Variants in CNTN3 observed in about 807,000 individuals in gnomAD.
The protein encoded by CNTN3 is contactin-3.
CNTN3 carries 60 observed loss-of-function variants against 119.1 expected under a neutral mutation model. The ratio of observed to expected loss-of-function variants is 0.50; its 90% CI spans 0.41 to 0.62. The LOEUF (loss-of-function observed/expected upper bound fraction) is 0.62. Among genes scored for constraint, CNTN3 ranks in the 20% least tolerant of loss-of-function variants. The probability of loss-of-function intolerance (pLI) is 0.00; values close to 1 mark genes in which losing one functional copy is unlikely to be tolerated. For synonymous variants in CNTN3, 450 were observed against 438.7 expected (o/e 1.03, Z -0.32); for missense variants, 1,101 against 1,242.4 (o/e 0.89, Z 1.71).
chr3:74,392,670 A>G (rs1704943603), intron 5 of CNTN3, among the ~76,000 whole-genome samples: 2 of 152,214 alleles, frequency 1.3e-5, no homozygotes, highest in African/African-American at 4.8e-5. Flanking sequence ...GTAGTCCATT[A>G]ATGAACACAC....
intron 5 of CNTN3, among the ~76,000 whole-genome samples, chr3:74,414,003 G>C (rs904526057): frequency 6.6e-6 from 1 of 152,074 alleles, no homozygotes; most frequent in Non-Finnish European, 1.5e-5. Context: ...TGCCTGTGAG[G>C]ATCAAAAGCT....
intron 5 of CNTN3, among the ~76,000 whole-genome samples, chr3:74,418,117 G>A (rs1354574197): frequency 6.6e-6 from 1 of 152,060 alleles, no homozygotes; most frequent in Non-Finnish European, 1.5e-5. Context: ...GGAAACTACT[G>A]GGTTATTGGA....
At chr3:74,349,071 G>A (rs1703757804) in intron 11 of CNTN3, among the ~76,000 whole-genome samples, 1 of 151,062 alleles carries the variant, frequency 6.6e-6, no homozygotes, top group Non-Finnish European at 1.5e-5. Context: ...GGGTGACACA[G>A]CGAGACCCTG....
rs1233402599 is a variant in CNTN3, at chr3:74,267,559, A to T, written c.2705-181T>A. 12 of 509,208 alleles carry T rather than the reference A, an allele frequency of 2.4e-5. No homozygotes were observed. In the East Asian group the frequency reaches 3.6e-4, roughly 15 times the overall value. 31.5% of individuals were successfully genotyped at this position (509,208 alleles called of 1,614,324 possible). A position where few individuals can be genotyped will look rare whatever the true frequency, so the allele number is the denominator to read the frequency against. The stretch of plus-strand genomic sequence containing the variant: ...AGTATATAAATTTCCTTTTTTTAGA[A>T]AGGCATTTCATTCATACACCAAACC... On this transcript the variant is annotated intron_variant, in intron 20 of 22. Transcript: ENST00000263665.
intron 1 of CNTN3, among the ~76,000 whole-genome samples, chr3:74,563,915 T>C (rs1704189348): frequency 6.6e-6 from 1 of 152,166 alleles, no homozygotes; most frequent in Admixed American, 6.5e-5. Flanking sequence ...TATTAGCCAA[T>C]ATTCACATTG....
intron 5 of CNTN3, among the ~76,000 whole-genome samples, chr3:74,382,985 C>G (rs931364029): frequency 6.6e-6 from 1 of 152,142 alleles, no homozygotes; most frequent in Non-Finnish European, 1.5e-5. Flanking sequence ...CAGTATACAT[C>G]AATGCAATAA....
Position 74,262,857 on chromosome 3 carries a change from C to A in CNTN3, c.*1544G>T, listed in dbSNP as rs1335439306. The stretch of plus-strand genomic sequence containing the variant: ...GGAAATAACAATGGTCATATGAAAT[C>A]TACTAGTCATTCAGATTGTTTCAAT... On this transcript the variant is annotated 3_prime_UTR_variant, in exon 23 of 23. Transcript: ENST00000263665. The A allele has an allele frequency of 2.0e-5, 3 of 152,052 alleles. No individual in the cohort carries two copies. The highest frequency in any genetic ancestry group is 7.2e-5 in the African/African-American group (3 of 41,424). The allele number at this position is 152,052 out of a possible 1,614,324, so 9.4% of individuals were successfully genotyped here. A position where few individuals can be genotyped will look rare whatever the true frequency, so the allele number is the denominator to read the frequency against.
intron 1 of CNTN3, among the ~76,000 whole-genome samples, chr3:74,561,213 TA>T (rs141264048): frequency 1.3e-4 from 20 of 149,352 alleles, no homozygotes; most frequent in African/African-American, 3.9e-4. Flanking sequence ...AAATCTTACT[TA>T]AAAAAAAAAC....
At chr3:74,464,483 G>C (rs1343482083) in intron 4 of CNTN3, among the ~76,000 whole-genome samples, 1 of 152,102 alleles carries the variant, frequency 6.6e-6, no homozygotes, top group African/African-American at 2.4e-5. Flanking sequence ...AGGATTTAAA[G>C]GAAAGAATGT....
At chr3:74,552,746 C>T (rs191760032) in intron 1 of CNTN3, among the ~76,000 whole-genome samples, 576 of 152,142 alleles carry the variant, frequency 3.8e-3, no homozygotes, top group Non-Finnish European at 6.0e-3. Flanking sequence ...GTTTCCCCCA[C>T]GCTGTCCTTA....
At chr3:74,460,746 G>A (rs902095557) in intron 4 of CNTN3, among the ~76,000 whole-genome samples, 1 of 133,950 alleles carries the variant, frequency 7.5e-6, no homozygotes. Flanking sequence ...CCATCTAAAA[G>A]TAGAGATAGT....
At chr3:74,363,319 C>T in intron 10 of CNTN3, among the ~76,000 whole-genome samples, 1 of 152,106 alleles carries the variant, frequency 6.6e-6, no homozygotes, top group Non-Finnish European at 1.5e-5. Context: ...TTCAATCACT[C>T]TTGACATATA....
At chr3:74,540,410 A>G (rs1272516353) in intron 1 of CNTN3, among the ~76,000 whole-genome samples, 1 of 152,114 alleles carries the variant, frequency 6.6e-6, no homozygotes, top group Non-Finnish European at 1.5e-5. Flanking sequence ...TGATTTGGGC[A>G]CTTAGAATAT....
At chr3:74,567,306 A>C (rs1305681249) in intron 1 of CNTN3, among the ~76,000 whole-genome samples, 3 of 133,176 alleles carry the variant, frequency 2.3e-5, no homozygotes, top group Admixed American at 9.0e-5. Context: ...ATACTCAACA[A>C]ATTTTTAATT....
chr3:74,307,577 T>A (rs1157829740), intron 13 of CNTN3, among the ~76,000 whole-genome samples: 1 of 152,156 alleles, frequency 6.6e-6, no homozygotes, highest in Non-Finnish European at 1.5e-5. Flanking sequence ...GAATTTTTGA[T>A]GTAATTTAAA....
chr3:74,540,619 A>G (rs1575817373), intron 1 of CNTN3, among the ~76,000 whole-genome samples: 1 of 152,228 alleles, frequency 6.6e-6, no homozygotes, highest in East Asian at 1.9e-4. Flanking sequence ...AGGAATTTGA[A>G]TTTGAGCAAT....
rs138370196 is a variant in CNTN3 at position 74,596,986 on chromosome 3, A to T, written c.-81+17405T>A. On this transcript the variant is annotated intron_variant, in intron 1 of 22. Transcript: ENST00000263665. ...TATGACCAATGTTGCCCTGAAATTC[A>T]GTTGGATCCCTCCCATGTTCCTAAT... is the stretch of plus-strand genomic sequence containing the variant. 1.3e-3 allele frequency among the ~76,000 whole-genome samples: 204 copies of T among 152,188 alleles called. 1 individual carries two copies. The highest frequency in any genetic ancestry group is 4.8e-3 in the African/African-American group (201 of 41,552).
intron 20 of CNTN3, among the ~76,000 whole-genome samples, chr3:74,279,652 G>C (rs762726046): frequency 6.7e-6 from 1 of 148,154 alleles, no homozygotes; most frequent in Admixed American, 6.8e-5. Flanking sequence ...AGGTTGGGAG[G>C]GGGGCAAGGG....
At chr3:74,440,949 T>G (rs1031902437) in intron 4 of CNTN3, among the ~76,000 whole-genome samples, 2 of 152,162 alleles carry the variant, frequency 1.3e-5, no homozygotes, top group South Asian at 4.1e-4. Context: ...TGAGCATCCC[T>G]GGAGTTTGGT....
Sources: gnomAD v4.1 joint callset for allele counts (sites outside exome capture counted in the v4.1 genomes callset) on GRCh38, gnomAD v4.1.1 for gene constraint, MANE v1.5 for transcripts, NCBI Gene and HGNC (gene_info 2026-07-23, HGNC 2026-07-21) for gene names.